Variants in STXBP5L observed in about 807,000 individuals in gnomAD.
The protein encoded by STXBP5L is syntaxin binding protein 5L.
Under a neutral mutation model 144.5 loss-of-function variants are expected in STXBP5L, and 65 were observed. The ratio of observed to expected loss-of-function variants is 0.45; its 90% CI spans 0.37 to 0.55. The LOEUF is 0.55. Ranked by LOEUF, STXBP5L falls within the 20% of genes least tolerant of loss-of-function variation. The pLI is 0.00. For synonymous variants in STXBP5L, 505 were observed against 469.6 expected (o/e 1.08, Z -0.97); for missense variants, 1,298 against 1,405.5 (o/e 0.92, Z 1.22).
intron 11 of STXBP5L, among the ~76,000 whole-genome samples, chr3:121,233,114 T>C (rs77403133): frequency 6.6e-6 from 1 of 152,164 alleles, no homozygotes; most frequent in South Asian, 2.1e-4. Flanking sequence ...TATGATATGG[T>C]TACACAACCT....
intron 2 of STXBP5L, among the ~76,000 whole-genome samples, chr3:120,914,346 A>T (rs1363884832): frequency 2.6e-5 from 4 of 152,082 alleles, no homozygotes; most frequent in African/African-American, 4.8e-5. Flanking sequence ...TCATTTATAA[A>T]CTGTTTTTAT....
chr3:121,112,516 G>A (rs958005119), intron 5 of STXBP5L, among the ~76,000 whole-genome samples: 1 of 151,582 alleles, frequency 6.6e-6, no homozygotes, highest in South Asian at 2.1e-4. Context: ...TCAGTTGCCG[G>A]TGCGGGATTC....
chr3:120,990,859 C>A (rs371920042), intron 3 of STXBP5L, among the ~76,000 whole-genome samples: 1 of 152,136 alleles, frequency 6.6e-6, no homozygotes, highest in Admixed American at 6.6e-5. Context: ...AAATGTTAGA[C>A]CTAAAACCAT....
At chr3:121,000,999 G>A (rs1943727950) in intron 3 of STXBP5L, among the ~76,000 whole-genome samples, 2 of 152,212 alleles carry the variant, frequency 1.3e-5, no homozygotes, top group Non-Finnish European at 2.9e-5. Flanking sequence ...AGCCGGGGTG[G>A]CGGGGGGAAG....
intron 7 of STXBP5L, among the ~76,000 whole-genome samples, chr3:121,123,119 A>G (rs1047721788): frequency 4.6e-5 from 7 of 151,596 alleles, no homozygotes; most frequent in Non-Finnish European, 8.9e-5. Flanking sequence ...CAGTCTCACT[A>G]GTAATTAGGG....
chr3:121,356,899 T>C (rs2045535118), intron 20 of STXBP5L: 1 of 154,128 alleles, frequency 6.5e-6, no homozygotes, highest in African/African-American at 2.4e-5. Flanking sequence ...CCAGAGCCCA[T>C]TCAAGGGACT....
intron 20 of STXBP5L, among the ~76,000 whole-genome samples, chr3:121,376,450 C>A (rs115403508): frequency 6.6e-6 from 1 of 152,066 alleles, no homozygotes; most frequent in Non-Finnish European, 1.5e-5. Flanking sequence ...TTTCTGTATA[C>A]GGCTAGCCGG....
At chr3:121,186,494 G>T (rs1326477594) in intron 9 of STXBP5L, among the ~76,000 whole-genome samples, 2 of 152,128 alleles carry the variant, frequency 1.3e-5, no homozygotes, top group African/African-American at 2.4e-5. Context: ...TTGAGAGTTT[G>T]TAGCATGAAG....
chr3:121,193,623 C>T (rs185412144), intron 9 of STXBP5L, among the ~76,000 whole-genome samples: 1 of 152,240 alleles, frequency 6.6e-6, no homozygotes, highest in African/African-American at 2.4e-5. Context: ...ACATATACAC[C>T]ATGGAATACT....
chr3:121,387,399 T>G (rs956387642), intron 22 of STXBP5L, among the ~76,000 whole-genome samples: 3 of 152,250 alleles, frequency 2.0e-5, no homozygotes, highest in Non-Finnish European at 4.4e-5. Context: ...ACAGAAGGTC[T>G]TTAGTTTAAT....
At chr3:121,070,115 G>A (rs930560686) in intron 5 of STXBP5L, among the ~76,000 whole-genome samples, 1 of 152,194 alleles carries the variant, frequency 6.6e-6, no homozygotes, top group African/African-American at 2.4e-5. Context: ...TTATTAAGGT[G>A]ATCACCGGCT....
At chr3:121,088,184 C>G (rs991324577) in intron 5 of STXBP5L, among the ~76,000 whole-genome samples, 1 of 146,292 alleles carries the variant, frequency 6.8e-6, no homozygotes, top group South Asian at 2.2e-4. Context: ...ATTTTCGCAA[C>G]CTACTCATCT....
At chr3:121,243,044 A>C (rs2049720764) in intron 14 of STXBP5L, among the ~76,000 whole-genome samples, 1 of 152,172 alleles carries the variant, frequency 6.6e-6, no homozygotes, top group Non-Finnish European at 1.5e-5. Flanking sequence ...CAGAGCTCAC[A>C]ATTAGGAGGA....
intron 9 of STXBP5L, among the ~76,000 whole-genome samples, chr3:121,187,565 A>G (rs1035231824): frequency 6.7e-6 from 1 of 149,894 alleles, no homozygotes; most frequent in Non-Finnish European, 1.5e-5. Context: ...TAATAAAAAT[A>G]AAAAATGAAA....
At chr3:121,097,265 C>T (rs552963451) in intron 5 of STXBP5L, among the ~76,000 whole-genome samples, 8 of 152,140 alleles carry the variant, frequency 5.3e-5, no homozygotes, top group African/African-American at 9.7e-5. Context: ...TGGGACCCAC[C>T]GAGCCAGACC....
intron 5 of STXBP5L, among the ~76,000 whole-genome samples, chr3:121,078,386 G>T (rs6783166): frequency 0.099 from 15,083 of 152,246 alleles, 1,164 homozygotes; most frequent in Admixed American, 0.2. Context: ...GATACAGAGT[G>T]CCAATTGGTG....
chr3:121,001,807 T>C (rs931853217), intron 3 of STXBP5L, among the ~76,000 whole-genome samples: 3 of 152,184 alleles, frequency 2.0e-5, no homozygotes, highest in South Asian at 2.1e-4. Flanking sequence ...GAAGATTTCA[T>C]TGGGGTGTGC....
At chr3:121,206,168 T>C (rs1375556448) in intron 10 of STXBP5L, among the ~76,000 whole-genome samples, 167 bp downstream of exon 10, 1 of 152,170 alleles carries the variant, frequency 6.6e-6, no homozygotes, top group Non-Finnish European at 1.5e-5. Flanking sequence ...TGATGATTAT[T>C]ATTATGATTA....
chr3:120,998,338 A>G (rs980529282), intron 3 of STXBP5L, among the ~76,000 whole-genome samples: 1 of 152,164 alleles, frequency 6.6e-6, no homozygotes, highest in East Asian at 1.9e-4. Flanking sequence ...AAACCCTGTA[A>G]TCTGTGCCCC....
Sources: allele counts gnomAD v4.1 joint callset (sites outside exome capture counted in the v4.1 genomes callset), GRCh38; gene constraint gnomAD v4.1.1; transcripts MANE v1.5; gene names NCBI Gene and HGNC (gene_info 2026-07-23, HGNC 2026-07-21).